Variants in UNC13C observed in about 807,000 individuals in gnomAD.
The protein encoded by UNC13C is protein unc-13 homolog C.
In UNC13C, 174 loss-of-function variants were observed where a neutral mutation model predicts 245.4. That is an observed-to-expected ratio of 0.71 (90% CI 0.63 to 0.80). The LOEUF (loss-of-function observed/expected upper bound fraction) is 0.80. UNC13C is among the 30% of genes least tolerant of loss of function. The pLI, the probability that UNC13C is intolerant of heterozygous loss-of-function variation, is 0.00. For missense variants in UNC13C, 2,829 were observed against 2,602.9 expected (o/e 1.09, Z -1.89); for synonymous variants, 992 against 895.1 (o/e 1.11, Z -1.93).
Position 54,555,453 on chromosome 15 carries a change from G to T in UNC13C, c.5899G>T (p.Ala1967Ser). The T allele has an allele frequency of 6.2e-7, 1 of 1,612,356 alleles. No individual in the cohort carries two copies. Among genetic ancestry groups the T allele is most frequent in the Non-Finnish European group, 8.5e-7 (1 of 1,179,020 alleles). ...KLKEHMIRED[A>S]RGLTPRQCAI... ...CCAGGAGCACATGATTCGAGAGGAT[G>T]CCAGGGGTCTGACGCCAAGACAATG... Residue 1967 changes from alanine to serine, a missense_variant, in exon 29 of 33, where the codon GCC (alanine) becomes TCC (serine). Coordinates refer to ENST00000260323, the MANE Select transcript of UNC13C (RefSeq NM_001080534.3).
intron 1 of UNC13C, among the ~76,000 whole-genome samples, chr15:53,985,209 G>T (rs1296179088): frequency 1.3e-5 from 2 of 151,764 alleles, no homozygotes. Flanking sequence ...TTGGTTTTCT[G>T]TTCCTGTGTT....
In UNC13C at chr15:54,264,210, C is replaced by T; in HGVS notation, c.3491C>T (p.Thr1164Ile). The T allele has an allele frequency of 6.3e-7, 1 of 1,592,246 alleles. No homozygotes were observed. The highest frequency in any genetic ancestry group is 8.6e-7 in the Non-Finnish European group (1 of 1,168,646). The change falls in exon 9 of 33, where the codon ACT becomes ATT. Residue 1164 changes from threonine to isoleucine, a missense_variant. Physicochemically the swap from Thr to Ile is moderately conservative, Grantham distance 89. Transcript: ENST00000260323. The part of the protein sequence containing the change: ...KSSKHGAEDK[T>I]QTIITAMKER... Reference sequence around the variant, plus strand: ...TCTAAACATGGTGCCGAAGACAAGACTCAGACCATTATTACAGCAATGAAA... The same window carrying T: ...TCTAAACATGGTGCCGAAGACAAGATTCAGACCATTATTACAGCAATGAAA...
chr15:54,616,410 G>A (rs1900433692), intron 30 of UNC13C, among the ~76,000 whole-genome samples: 2 of 151,956 alleles, frequency 1.3e-5, no homozygotes, highest in African/African-American at 4.8e-5. Flanking sequence ...GGTAATGATG[G>A]TGTAAATAAG....
the UNC13C span, among the ~76,000 whole-genome samples, chr15:53,881,833 A>G: frequency 1.3e-5 from 2 of 152,212 alleles, no homozygotes; most frequent in Non-Finnish European, 2.9e-5. Flanking sequence ...ACCTTGTTAA[A>G]ATACAAATAT....
At chr15:54,557,476 C>T (rs1252596865) in intron 29 of UNC13C, among the ~76,000 whole-genome samples, 1 of 151,846 alleles carries the variant, frequency 6.6e-6, no homozygotes, top group East Asian at 1.9e-4. Flanking sequence ...ACTGTCCTAC[C>T]AAACATTAAT....
chr15:53,876,742 T>G, the UNC13C span, among the ~76,000 whole-genome samples: 1 of 152,196 alleles, frequency 6.6e-6, no homozygotes, highest in Non-Finnish European at 1.5e-5. Flanking sequence ...ATCTCCATCT[T>G]ATTGTAGAAG....
chr15:54,595,145 C>T (rs1047036674), intron 30 of UNC13C, among the ~76,000 whole-genome samples: 1 of 152,166 alleles, frequency 6.6e-6, no homozygotes, highest in African/African-American at 2.4e-5. Context: ...GGGACTGATA[C>T]AGGTGGGAGT....
chr15:54,143,736 C>T, intron 4 of UNC13C, 52 bp downstream of exon 4: 8 of 1,434,210 alleles, frequency 5.6e-6, no homozygotes, highest in Non-Finnish European at 6.8e-6. Context: ...TGGCACTTGG[C>T]TGTGTTCTCA....
chr15:53,881,480 C>T, the UNC13C span, among the ~76,000 whole-genome samples: 1 of 152,344 alleles, frequency 6.6e-6, no homozygotes, highest in African/African-American at 2.4e-5. Flanking sequence ...ACCTCACTTT[C>T]AGCCACTTTA....
intron 31 of UNC13C, 30 bp downstream of exon 31, chr15:54,622,449 A>C: frequency 6.6e-7 from 1 of 1,525,054 alleles, no homozygotes; most frequent in South Asian, 1.1e-5. Flanking sequence ...AAATCAAAAC[A>C]GCCTTCTAAA....
intron 4 of UNC13C, among the ~76,000 whole-genome samples, chr15:54,205,695 G>T (rs1331740115): frequency 6.6e-6 from 1 of 151,938 alleles, no homozygotes; most frequent in Non-Finnish European, 1.5e-5. Context: ...TAAAAGCATT[G>T]TCCTGTCATC....
intron 30 of UNC13C, among the ~76,000 whole-genome samples, chr15:54,580,941 T>C (rs907883713): frequency 6.6e-6 from 1 of 152,190 alleles, no homozygotes; most frequent in Non-Finnish European, 1.5e-5. Flanking sequence ...GGTTGTCAAA[T>C]AATCATATAT....
chr15:54,066,629 C>T (rs1898088680), intron 2 of UNC13C, among the ~76,000 whole-genome samples: 1 of 152,126 alleles, frequency 6.6e-6, no homozygotes, highest in Non-Finnish European at 1.5e-5. Flanking sequence ...GATTTGTGAG[C>T]CTCAGAGGTC....
chr15:53,857,534 C>G, the UNC13C span, among the ~76,000 whole-genome samples: 1 of 152,156 alleles, frequency 6.6e-6, no homozygotes, highest in East Asian at 1.9e-4. Context: ...AAAGACATTA[C>G]ATTTGTCAAA....
chr15:54,306,047 A>G (rs1278637462), intron 13 of UNC13C, among the ~76,000 whole-genome samples: 1 of 152,076 alleles, frequency 6.6e-6, no homozygotes, highest in Non-Finnish European at 1.5e-5. Context: ...CTGGTAGTAC[A>G]CTACTGAATT....
At chr15:53,946,632 A>G in the UNC13C span, among the ~76,000 whole-genome samples, 3 of 149,852 alleles carry the variant, frequency 2.0e-5, no homozygotes, top group Non-Finnish European at 3.0e-5. Flanking sequence ...GAGGCTGAAG[A>G]ATCACTTGAA....
At chr15:54,224,427 T>G (rs1250292209) in intron 4 of UNC13C, among the ~76,000 whole-genome samples, 1 of 152,170 alleles carries the variant, frequency 6.6e-6, no homozygotes, top group Non-Finnish European at 1.5e-5. Flanking sequence ...ATGTGATGTA[T>G]CACACTGACT....
At chr15:54,130,345 T>C (rs1053782221) in intron 2 of UNC13C, among the ~76,000 whole-genome samples, 4 of 136,388 alleles carry the variant, frequency 2.9e-5, no homozygotes, top group African/African-American at 1.1e-4. Context: ...CAGGCTGGAG[T>C]GCAGTGGTGC....
intron 1 of UNC13C, among the ~76,000 whole-genome samples, chr15:54,009,607 C>A (rs574666912): frequency 1.3e-5 from 2 of 149,726 alleles, no homozygotes; most frequent in East Asian, 4.0e-4. Flanking sequence ...AGTGCAGTGG[C>A]GTGATCTCGG....
Sources: allele counts gnomAD v4.1 joint callset (sites outside exome capture counted in the v4.1 genomes callset), GRCh38; gene constraint gnomAD v4.1.1; transcripts MANE v1.5; gene names NCBI Gene and HGNC (gene_info 2026-07-23, HGNC 2026-07-21).